Variants in ZFYVE21 observed in about 807,000 individuals in gnomAD.
ZFYVE21 encodes zinc finger FYVE domain-containing protein 21.
In ZFYVE21, 21 loss-of-function variants were observed where a neutral mutation model predicts 29.5. That is an observed-to-expected ratio of 0.71 (90% CI 0.50 to 1.02). The LOEUF is 1.02. Among genes scored for constraint, ZFYVE21 ranks in the 50% least tolerant of loss-of-function variants. The pLI, the probability that ZFYVE21 is intolerant of heterozygous loss-of-function variation, is 0.00. For synonymous variants in ZFYVE21, 151 were observed against 133.8 expected (o/e 1.13, Z -0.89); for missense variants, 326 against 335.4 (o/e 0.97, Z 0.22).
intron 1 of ZFYVE21, among the ~76,000 whole-genome samples, chr14:103,718,798 C>T (rs1349001730): frequency 6.6e-6 from 1 of 152,130 alleles, no homozygotes; most frequent in Non-Finnish European, 1.5e-5. Flanking sequence ...GAAGAATGAC[C>T]GCAGCTCCAT....
chr14:103,726,958 T>TTG, intron 2 of ZFYVE21, 116 bp downstream of exon 2: 2 of 1,192,324 alleles, frequency 1.7e-6, no homozygotes, highest in South Asian at 1.4e-5. Context: ...GTTTTTTTTT[T>TTG]TTTTGAGACG....
rs2083942384 is a variant in ZFYVE21, at chr14:103,727,828, A to G, written c.272A>G (p.Asp91Gly). 6.2e-7 allele frequency: 1 copy of G among 1,613,130 alleles called. No individual in the cohort carries two copies. The highest frequency in any genetic ancestry group is 2.2e-5 in the East Asian group (1 of 44,856). ...CCGCTGCGGCGCATGTGCTTTGTGGACCCCGTGCGGCAGTGCGCGGAGTGC... is the reference window on the plus strand; with the variant it reads ...CCGCTGCGGCGCATGTGCTTTGTGGGCCCCGTGCGGCAGTGCGCGGAGTGC... ...KVPLRRMCFV[D>G]PVRQCAECAL... The change falls in exon 3 of 7, where the codon GAC (aspartate) becomes GGC (glycine). Residue 91 changes from aspartate (D) to glycine (G), a missense_variant. Asp to Gly is a moderately conservative substitution (Grantham distance 94). Transcript: ENST00000311141.
At chr14:103,728,273 T>C (rs983633183) in intron 3 of ZFYVE21, among the ~76,000 whole-genome samples, 3 of 152,106 alleles carry the variant, frequency 2.0e-5, no homozygotes, top group Admixed American at 1.3e-4. Flanking sequence ...CTTTGCCCAA[T>C]AGCACGATGC....
intron 5 of ZFYVE21, chr14:103,730,543 C>G (rs1193303003): frequency 6.5e-6 from 1 of 152,682 alleles, no homozygotes; most frequent in Non-Finnish European, 1.5e-5. Flanking sequence ...CCGGACTGCT[C>G]TCCCGGGCAG....
At chr14:103,729,721 G>GCT (rs2083958031) in intron 5 of ZFYVE21, 1 of 1,513,384 alleles carries the variant, frequency 6.6e-7, no homozygotes, top group Admixed American at 2.0e-5. Context: ...AACCCATGTT[G>GCT]CTTTCCTTCC....
At chr14:103,727,384 CG>C in intron 2 of ZFYVE21, 2 of 386,908 alleles carry the variant, frequency 5.2e-6, no homozygotes, top group South Asian at 2.0e-5. Flanking sequence ...CTGCCCCCTC[CG>C]CCCCGTCCCC....
Position 103,729,232 on chromosome 14 carries a change from G to A in ZFYVE21, c.526+50G>A, listed in dbSNP as rs377766972. On this transcript the variant is annotated intron_variant, in intron 5 of 6. Coordinates refer to ENST00000311141, the MANE Select transcript of ZFYVE21 (RefSeq NM_024071.4). ...AAGCCAGGAGGGTTTGGTGCCATGCGTGGGTGACAAGAGGAGCATGCACTT... is the reference window on the plus strand; with the variant it reads ...AAGCCAGGAGGGTTTGGTGCCATGCATGGGTGACAAGAGGAGCATGCACTT... The A allele has an allele frequency of 7.5e-6, 12 of 1,592,944 alleles. No individual in the cohort carries two copies. In the African/African-American group the frequency reaches 1.5e-4, roughly 20 times the overall value.
At chr14:103,728,854 G>C in intron 3 of ZFYVE21, 54 bp from the exon 4 acceptor site, 1 of 1,577,330 alleles carries the variant, frequency 6.3e-7, no homozygotes, top group Non-Finnish European at 8.7e-7. Flanking sequence ...CGTGGGAAGG[G>C]TTAGGTGGAA....
rs1289625276 is a variant in ZFYVE21 at position 103,733,072 on chromosome 14, G to C, written c.*54G>C. On this transcript the variant is annotated 3_prime_UTR_variant, in exon 7 of 7. Coordinates refer to ENST00000311141, the MANE Select transcript of ZFYVE21 (RefSeq NM_024071.4). ...TGTGGTCACCAGGACTGAGTCGCTT[G>C]GAACAGCAGAGCCTGCTCCTTGCGT... 18 of 1,611,868 alleles carry C rather than the reference G, an allele frequency of 1.1e-5. No homozygotes were observed. Among genetic ancestry groups the C allele is most frequent in the Non-Finnish European group, 1.5e-5 (18 of 1,178,196 alleles).
intron 1 of ZFYVE21, among the ~76,000 whole-genome samples, chr14:103,721,399 C>T (rs2083871302): frequency 6.6e-6 from 1 of 152,232 alleles, no homozygotes; most frequent in Non-Finnish European, 1.5e-5. Flanking sequence ...GAGACAGCTC[C>T]TTCTGTGTCC....
chr14:103,722,322 A>AG, intron 1 of ZFYVE21, among the ~76,000 whole-genome samples: 1 of 148,678 alleles, frequency 6.7e-6, no homozygotes, highest in Admixed American at 6.7e-5. Context: ...TATATTTTTA[A>AG]GGGGGCAAAT....
chr14:103,726,856 G>C lies in ZFYVE21; in HGVS notation c.189+14G>C. On this transcript the variant is annotated intron_variant, in intron 2 of 6. Coordinates refer to ENST00000311141, the MANE Select transcript of ZFYVE21 (RefSeq NM_024071.4). ...CTCACCAGAAAGGTGAGCTGAGGCC[G>C]CTGAGTGGGGGTGGTGGGAAGAGGG... The C allele has an allele frequency of 6.2e-7, 1 of 1,613,682 alleles. No individual in the cohort carries two copies. Among genetic ancestry groups the C allele is most frequent in the Non-Finnish European group, 8.5e-7 (1 of 1,179,982 alleles).
chr14:103,732,811 G>A, intron 6 of ZFYVE21, 49 bp downstream of exon 6: 5 of 1,602,068 alleles, frequency 3.1e-6, no homozygotes, highest in Non-Finnish European at 4.3e-6. Flanking sequence ...TTAGACAAAA[G>A]CTTGCCTTTC....
intron 1 of ZFYVE21, among the ~76,000 whole-genome samples, chr14:103,718,872 G>A (rs1006728277): frequency 1.8e-4 from 27 of 152,226 alleles, no homozygotes; most frequent in Admixed American, 1.2e-3. Context: ...GAGCACGTGC[G>A]CGTCTGATCA....
At chr14:103,727,445 C>T (rs1044275595) in intron 2 of ZFYVE21, 15 of 513,404 alleles carry the variant, frequency 2.9e-5, no homozygotes, top group African/African-American at 2.9e-4. Context: ...GTGCCCAGCT[C>T]ATGGCGCCCC....
chr14:103,721,521 A>G (rs931880720), intron 1 of ZFYVE21, among the ~76,000 whole-genome samples: 2 of 152,226 alleles, frequency 1.3e-5, no homozygotes, highest in African/African-American at 4.8e-5. Flanking sequence ...TGCCTCTGTG[A>G]CGCCACTGCA....
chr14:103,721,701 C>T (rs565862660), intron 1 of ZFYVE21, among the ~76,000 whole-genome samples: 12 of 152,370 alleles, frequency 7.9e-5, no homozygotes, highest in African/African-American at 2.9e-4. Flanking sequence ...CCCTCTTCAT[C>T]TCTGTGTGTT....
intron 5 of ZFYVE21, chr14:103,729,657 C>A: frequency 9.0e-7 from 1 of 1,114,390 alleles, no homozygotes; most frequent in Non-Finnish European, 1.3e-6. Context: ...ACTCTGCTGA[C>A]GGGGAGCTCG....
chr14:103,723,359 G>A (rs545728277), intron 1 of ZFYVE21, among the ~76,000 whole-genome samples: 2 of 152,220 alleles, frequency 1.3e-5, no homozygotes, highest in South Asian at 2.1e-4. Context: ...CAATCAGGGC[G>A]GGGAACAGCC....
Sources: gnomAD v4.1 joint callset for allele counts (sites outside exome capture counted in the v4.1 genomes callset) on GRCh38, gnomAD v4.1.1 for gene constraint, MANE v1.5 for transcripts, NCBI Gene and HGNC (gene_info 2026-07-23, HGNC 2026-07-21) for gene names.